The following NIPBL variants were observed in gnomAD, a reference collection of about 807,000 sequenced individuals.
The protein encoded by NIPBL is NIPBL cohesin loading factor, also known as nipped-B-like protein.
NIPBL carries 19 observed loss-of-function variants against 321.8 expected under a neutral mutation model. The ratio of observed to expected loss-of-function variants is 0.06; its 90% CI spans 0.04 to 0.09. The LOEUF (loss-of-function observed/expected upper bound fraction) is 0.09. Ranked by LOEUF, NIPBL falls within the 10% of genes least tolerant of loss-of-function variation. The pLI, the probability that NIPBL is intolerant of heterozygous loss-of-function variation, is 1.00. For missense variants in NIPBL, 2,210 were observed against 3,327.0 expected (o/e 0.66, Z 8.26); for synonymous variants, 1,106 against 1,114.1 (o/e 0.99, Z 0.14).
chr5:36,961,929 T>C (rs1561083001), intron 5 of NIPBL, among the ~76,000 whole-genome samples, 194 bp from the exon 6 acceptor site: 2 of 152,206 alleles, frequency 1.3e-5, no homozygotes, highest in Non-Finnish European at 2.9e-5. Context: ...TAAAAACTTT[T>C]TTATTGTAAC....
chr5:37,022,458 A>G, intron 29 of NIPBL, 68 bp downstream of exon 29: 1 of 1,410,360 alleles, frequency 7.1e-7, no homozygotes, highest in Non-Finnish European at 9.6e-7. Context: ...GTTTTGTTTT[A>G]AAGTGTTAAG....
intron 1 of NIPBL, among the ~76,000 whole-genome samples, chr5:36,912,984 G>A (rs1748165648): frequency 6.6e-6 from 1 of 152,090 alleles, no homozygotes; most frequent in Non-Finnish European, 1.5e-5. Context: ...AAAACAATTG[G>A]CGTTAAGTTT....
At chr5:36,901,881 A>G (rs947156068) in intron 1 of NIPBL, among the ~76,000 whole-genome samples, 1 of 152,156 alleles carries the variant, frequency 6.6e-6, no homozygotes, top group African/African-American at 2.4e-5. Flanking sequence ...CCAGCAGTGT[A>G]TAAGCATTCC....
At chr5:37,050,590 TTCTC>T (rs1753434633) in intron 40 of NIPBL, among the ~76,000 whole-genome samples, 1 of 152,186 alleles carries the variant, frequency 6.6e-6, no homozygotes, top group Admixed American at 6.5e-5. Context: ...CACAATTGCT[TTCTC>T]TCTCTCCCTT....
chr5:36,972,941 T>A (rs1024454963), intron 8 of NIPBL, among the ~76,000 whole-genome samples: 1 of 152,190 alleles, frequency 6.6e-6, no homozygotes. Context: ...TTAGTTTATA[T>A]TTTTTGTAAG....
chr5:36,972,322 A>G (rs1742947659), intron 8 of NIPBL, among the ~76,000 whole-genome samples: 1 of 152,150 alleles, frequency 6.6e-6, no homozygotes, highest in Non-Finnish European at 1.5e-5. Context: ...TCAAACCACA[A>G]CGTTCTTCTC....
chr5:36,890,791 A>C (rs1352464456), intron 1 of NIPBL, among the ~76,000 whole-genome samples: 1 of 152,240 alleles, frequency 6.6e-6, no homozygotes, highest in Non-Finnish European at 1.5e-5. Flanking sequence ...TGTAGATTGG[A>C]ATGTAAAAAG....
chr5:36,910,953 A>G (rs576233750), intron 1 of NIPBL, among the ~76,000 whole-genome samples: 1 of 152,274 alleles, frequency 6.6e-6, no homozygotes, highest in South Asian at 2.1e-4. Context: ...TCTTTTTCTA[A>G]TATCTGTTAA....
intron 32 of NIPBL, among the ~76,000 whole-genome samples, chr5:37,031,266 G>T (rs772773757): frequency 6.6e-6 from 1 of 152,156 alleles, no homozygotes; most frequent in Non-Finnish European, 1.5e-5. Flanking sequence ...GATTATAGGC[G>T]CAAGCCACCG....
intron 1 of NIPBL, among the ~76,000 whole-genome samples, chr5:36,921,961 A>G (rs1561389142): frequency 6.7e-6 from 1 of 149,690 alleles, no homozygotes; most frequent in South Asian, 2.1e-4. Context: ...ATCTCAGCTC[A>G]CTGCAACCTC....
intron 12 of NIPBL, 79 bp downstream of exon 12, chr5:37,000,649 C>A (rs1245704116): frequency 6.9e-7 from 1 of 1,459,754 alleles, no homozygotes; most frequent in South Asian, 1.2e-5. Flanking sequence ...TATTTTATAT[C>A]TTTTTATGAG....
intron 1 of NIPBL, among the ~76,000 whole-genome samples, chr5:36,905,783 A>T (rs1217773825): frequency 1.3e-5 from 2 of 151,708 alleles, no homozygotes; most frequent in African/African-American, 4.8e-5. Flanking sequence ...TCACTCTGTC[A>T]CCCAGGCTGG....
intron 1 of NIPBL, among the ~76,000 whole-genome samples, chr5:36,949,586 T>C (rs1339765702): frequency 2.6e-5 from 4 of 151,924 alleles, no homozygotes; most frequent in African/African-American, 9.7e-5. Flanking sequence ...AGTAAAAATA[T>C]TGTGGGAATA....
rs781213650 is a variant in NIPBL at position 36,985,166 on chromosome 5, A to C, written c.1986A>C (p.Lys662Asn). ...KQNESRTTEC[K>N]QNESTIVEPK... ...ATGAGAGCAGAACAACTGAATGCAA[A>C]CAAAACGAGAGCACCATAGTTGAGC... The change falls in exon 10 of 47, where the codon AAA becomes AAC. Residue 662 changes from lysine (K) to asparagine (N), a missense_variant. By Grantham distance (94) the Lys-to-Asn change is moderately conservative. Around this residue, in one of 14 missense-constraint regions of NIPBL, gnomAD observed 588 missense variants for 564.1 expected, o/e 1.04. Coordinates refer to ENST00000282516, the MANE Select transcript of NIPBL (RefSeq NM_133433.4). 232 of 1,613,878 alleles carry C rather than the reference A, an allele frequency of 1.4e-4. 3 individuals carry two copies. The South Asian group carries it at 2.5e-3, about 17-fold the overall frequency.
chr5:36,975,004 A>T (rs1490451826), intron 8 of NIPBL, among the ~76,000 whole-genome samples: 1 of 152,062 alleles, frequency 6.6e-6, no homozygotes, highest in Admixed American at 6.6e-5. Context: ...ATTAACTAGG[A>T]TAATTTTTCC....
chr5:37,003,509 T>C (rs1033893497), intron 16 of NIPBL, among the ~76,000 whole-genome samples, 162 bp downstream of exon 16: 2 of 152,168 alleles, frequency 1.3e-5, no homozygotes, highest in Non-Finnish European at 2.9e-5. Flanking sequence ...ATTGTTCTGT[T>C]TTTTATTGTC....
intron 1 of NIPBL, among the ~76,000 whole-genome samples, chr5:36,920,691 A>G: frequency 6.6e-6 from 1 of 152,106 alleles, no homozygotes; most frequent in East Asian, 1.9e-4. Flanking sequence ...GCAAAGAAAA[A>G]TGTTGTCTGC....
chr5:36,931,850 TG>T (rs1197138009), intron 1 of NIPBL, among the ~76,000 whole-genome samples: 1 of 152,012 alleles, frequency 6.6e-6, no homozygotes, highest in African/African-American at 2.4e-5. Flanking sequence ...TTTTTGATTT[TG>T]TTTACACTTT....
At chr5:36,923,467 G>T (rs1797371719) in intron 1 of NIPBL, among the ~76,000 whole-genome samples, 1 of 151,950 alleles carries the variant, frequency 6.6e-6, no homozygotes, top group Non-Finnish European at 1.5e-5. Context: ...TTTGAATATT[G>T]TTGTTAGTTA....
Sources: allele counts gnomAD v4.1 joint callset (sites outside exome capture counted in the v4.1 genomes callset), GRCh38; gene constraint gnomAD v4.1.1; regional missense constraint gnomAD v4.1.1; transcripts MANE v1.5; gene names NCBI Gene and HGNC (gene_info 2026-07-23, HGNC 2026-07-21).